The following RFX3 variants were observed in gnomAD, a reference collection of about 807,000 sequenced individuals.
RFX3 encodes transcription factor RFX3.
In RFX3, 14 loss-of-function variants were observed where a neutral mutation model predicts 98.6. The observed-to-expected ratio is 0.14, with a 90% CI of 0.09 to 0.22. The LOEUF (loss-of-function observed/expected upper bound fraction) is 0.22, where lower values mean the gene tolerates loss of function less well. Ranked by LOEUF, RFX3 falls within the 10% of genes least tolerant of loss-of-function variation. RFX3 has a pLI of 1.00. For missense variants in RFX3, 639 were observed against 926.9 expected (o/e 0.69, Z 4.03); for synonymous variants, 383 against 328.4 (o/e 1.17, Z -1.80).
At chr9:3,522,604 T>TTTAAACACAAACACA (rs1818834690) in intron 1 of RFX3, among the ~76,000 whole-genome samples, 7 of 151,550 alleles carry the variant, frequency 4.6e-5, no homozygotes, top group Admixed American at 1.3e-4. Context: ...TTGCCACACA[T>TTTAAACACAAACACA]CTGCTGCTAT....
At chr9:3,493,663 G>A (rs1258724060) in intron 1 of RFX3, among the ~76,000 whole-genome samples, 2 of 130,338 alleles carry the variant, frequency 1.5e-5, no homozygotes, top group East Asian at 2.2e-4. Context: ...CAGCCTGGGC[G>A]ACAAAGCGAG....
intron 3 of RFX3, among the ~76,000 whole-genome samples, chr9:3,336,951 C>A (rs751105588): frequency 2.0e-5 from 3 of 151,950 alleles, no homozygotes; most frequent in Non-Finnish European, 4.4e-5. Context: ...TGTGTACTTA[C>A]CAGAGTATGA....
intron 4 of RFX3, among the ~76,000 whole-genome samples, chr9:3,317,160 C>G (rs1391585131): frequency 1.3e-5 from 2 of 152,064 alleles, no homozygotes; most frequent in Non-Finnish European, 2.9e-5. Flanking sequence ...GGTACTGGAA[C>G]CAAAACAGAG....
intron 4 of RFX3, among the ~76,000 whole-genome samples, chr9:3,319,759 C>T (rs1304538945): frequency 2.6e-5 from 4 of 151,904 alleles, no homozygotes; most frequent in African/African-American, 7.3e-5. Flanking sequence ...GGAACTAGCT[C>T]CATTAGCCCA....
chr9:3,446,761 A>T lies in RFX3; in HGVS notation c.-8-51165T>A, dbSNP rs113386670. ...AATAAATTGGAGTAACGTATGGTACATTTTGGTTTGAGGGGCTTCTTTTAT... is the reference window on the plus strand; with the variant it reads ...AATAAATTGGAGTAACGTATGGTACTTTTTGGTTTGAGGGGCTTCTTTTAT... On this transcript the variant is annotated intron_variant, in intron 1 of 16. Transcript: ENST00000617270. Among the ~76,000 whole-genome samples the T allele has an allele frequency of 4.9e-3, 743 of 152,178 alleles. 11 individuals carry two copies. Among genetic ancestry groups the T allele is most frequent in the South Asian group, 0.025 (119 of 4,828 alleles).
At chr9:3,358,905 A>T (rs1016916955) in intron 2 of RFX3, among the ~76,000 whole-genome samples, 2 of 151,906 alleles carry the variant, frequency 1.3e-5, no homozygotes, top group African/African-American at 4.8e-5. Context: ...TCTCATGAGA[A>T]CTCACTCACT....
rs1343791186 is a variant in RFX3, at chr9:3,248,007, T to G, written c.1968+25A>C. 4 of 1,613,910 alleles carry G rather than the reference T, an allele frequency of 2.5e-6. No individual in the cohort carries two copies. The African/African-American group carries it at 5.3e-5, about 22-fold the overall frequency. ...GGCTTATTTTTAATAACCCAGTGGG[T>G]CACAGCTCTTTCAGCCTCTCTTACC... On this transcript the variant is annotated intron_variant, in intron 15 of 16. Coordinates refer to ENST00000617270, the MANE Select transcript of RFX3 (RefSeq NM_001282116.2).
rs753485391 is a variant in RFX3 at position 3,266,160 on chromosome 9, A to G, written c.1455+48T>C. 11 of 1,132,260 alleles carry G rather than the reference A, an allele frequency of 9.7e-6. No individual in the cohort carries two copies. In the East Asian group the frequency reaches 2.6e-4, roughly 27 times the overall value. The allele number at this position is 1,132,260 out of a possible 1,614,324, so 70.1% of individuals were successfully genotyped here. A position where few individuals can be genotyped will look rare whatever the true frequency, so the allele number is the denominator to read the frequency against. On this transcript the variant is annotated intron_variant, in intron 12 of 16. Coordinates refer to ENST00000617270, the MANE Select transcript of RFX3 (RefSeq NM_001282116.2). ...AGGATAGATGTAAAGTTCACAATTC[A>G]GAATAATTTCCTCAACACAAAAGAA...
intron 4 of RFX3, among the ~76,000 whole-genome samples, chr9:3,325,794 C>T (rs941621596): frequency 6.6e-6 from 1 of 152,002 alleles, no homozygotes; most frequent in African/African-American, 2.4e-5. Flanking sequence ...AAAGTATGTT[C>T]AGGTTCCAAA....
intron 1 of RFX3, among the ~76,000 whole-genome samples, chr9:3,430,472 T>C (rs1844554277): frequency 1.3e-5 from 2 of 152,176 alleles, no homozygotes; most frequent in South Asian, 2.1e-4. Flanking sequence ...CAAAATACCA[T>C]TACCATCAAA....
chr9:3,389,746 AC>A (rs1419670345), intron 2 of RFX3, among the ~76,000 whole-genome samples: 3 of 152,262 alleles, frequency 2.0e-5, no homozygotes, highest in African/African-American at 4.8e-5. Flanking sequence ...ATATAAAAAA[AC>A]ATATATTTCA....
chr9:3,384,376 T>G (rs1327486528), intron 2 of RFX3, among the ~76,000 whole-genome samples: 1 of 152,230 alleles, frequency 6.6e-6, no homozygotes, highest in South Asian at 2.1e-4. Context: ...TCACATACAT[T>G]CATTTTATAA....
chr9:3,364,516 A>C (rs1424626678), intron 2 of RFX3: 2 of 181,274 alleles, frequency 1.1e-5, no homozygotes, highest in African/African-American at 4.8e-5. Flanking sequence ...TAAATCCTCC[A>C]GGCAGATGAT....
intron 1 of RFX3, among the ~76,000 whole-genome samples, chr9:3,412,004 A>G (rs923348450): frequency 6.6e-6 from 1 of 152,150 alleles, no homozygotes; most frequent in East Asian, 1.9e-4. Context: ...TTATATTCAC[A>G]CCATTTTAAA....
chr9:3,524,388 C>G, intron 1 of RFX3: 1 of 368,582 alleles, frequency 2.7e-6, no homozygotes, highest in South Asian at 1.1e-4. Flanking sequence ...GTTCAAGTCA[C>G]TGTCCAAAGA....
chr9:3,401,784 C>G (rs769918980), intron 1 of RFX3, among the ~76,000 whole-genome samples: 7 of 152,124 alleles, frequency 4.6e-5, no homozygotes, highest in Admixed American at 6.6e-5. Flanking sequence ...CGCCTGTTAA[C>G]GGTTCTTCTT....
intron 4 of RFX3, among the ~76,000 whole-genome samples, chr9:3,304,637 A>T (rs1041352536): frequency 2.0e-5 from 3 of 151,866 alleles, no homozygotes; most frequent in Non-Finnish European, 4.4e-5. Context: ...GTCTCACGAG[A>T]TCTGATGGCT....
intron 1 of RFX3, among the ~76,000 whole-genome samples, chr9:3,458,265 G>T (rs781551112): frequency 6.6e-5 from 10 of 152,174 alleles, no homozygotes; most frequent in Non-Finnish European, 1.5e-4. Flanking sequence ...AGCAAGTGCT[G>T]TCTACAGAAT....
intron 15 of RFX3, among the ~76,000 whole-genome samples, chr9:3,236,331 C>T (rs1349708604): frequency 6.6e-6 from 1 of 151,956 alleles, no homozygotes; most frequent in Non-Finnish European, 1.5e-5. Context: ...AGGAAGTTGA[C>T]AAGGAAGTCA....
Sources: allele counts gnomAD v4.1 joint callset (sites outside exome capture counted in the v4.1 genomes callset), GRCh38; gene constraint gnomAD v4.1.1; transcripts MANE v1.5; gene names NCBI Gene and HGNC (gene_info 2026-07-23, HGNC 2026-07-21).